IL1RAPL1: variants seen among roughly 807,000 people sequenced by gnomAD.
IL1RAPL1 encodes interleukin 1 receptor accessory protein like 1, also known as interleukin-1 receptor accessory protein-like 1.
IL1RAPL1 carries 3 observed loss-of-function variants against 48.4 expected under a neutral mutation model. That is an observed-to-expected ratio of 0.06 (90% CI 0.03 to 0.16). IL1RAPL1 has a LOEUF of 0.16. IL1RAPL1 is among the 10% of genes least tolerant of loss of function. IL1RAPL1 has a pLI of 1.00. For synonymous variants in IL1RAPL1, 185 were observed against 187.7 expected, an observed-to-expected ratio of 0.99 and a Z score of 0.12; for missense variants, 349 against 530.6, an observed-to-expected ratio of 0.66 and a Z score of 3.36.
At chrX:29,713,706 T>C (rs1244020552) in intron 6 of IL1RAPL1, among the ~76,000 whole-genome samples, 1 of 111,373 alleles carries the variant, frequency 9.0e-6, no homozygotes, top group Non-Finnish European at 1.9e-5. Context: ...TACATATGAT[T>C]TGTTTAGATA....
chrX:29,382,440 A>T (rs1933723954), intron 3 of IL1RAPL1, among the ~76,000 whole-genome samples: 1 of 111,809 alleles, frequency 8.9e-6, no homozygotes, highest in Non-Finnish European at 1.9e-5. Context: ...TTGACAGCTG[A>T]CTGTTGCAAA....
chrX:29,036,379 G>A (rs951043669), intron 2 of IL1RAPL1, among the ~76,000 whole-genome samples: 1 of 112,491 alleles, frequency 8.9e-6, no homozygotes, highest in Non-Finnish European at 1.9e-5. Context: ...AGAATCTGCA[G>A]CCAATAAGAA....
chrX:29,396,037 C>T (rs960627432), intron 3 of IL1RAPL1, among the ~76,000 whole-genome samples: 1 of 112,417 alleles, frequency 8.9e-6, no homozygotes, highest in African/African-American at 3.2e-5. Flanking sequence ...AAAACTTTTT[C>T]TCTGGCAAAT....
At chrX:29,446,943 A>T (rs1445546200) in intron 5 of IL1RAPL1, among the ~76,000 whole-genome samples, 1 of 111,673 alleles carries the variant, frequency 9.0e-6, no homozygotes. Flanking sequence ...GTATTACTGA[A>T]TTTTTAATTA....
intron 6 of IL1RAPL1, among the ~76,000 whole-genome samples, chrX:29,704,497 T>C (rs1253690590): frequency 9.1e-6 from 1 of 110,134 alleles, no homozygotes. Context: ...GACAAAACCC[T>C]GTCTTTACTA....
chrX:29,791,505 C>A (rs187107172), intron 6 of IL1RAPL1, among the ~76,000 whole-genome samples: 1 of 106,695 alleles, frequency 9.4e-6, no homozygotes, highest in East Asian at 2.9e-4. Context: ...CTCACTGCAA[C>A]CTCTAGCTCA....
intron 3 of IL1RAPL1, among the ~76,000 whole-genome samples, chrX:29,323,066 C>T (rs945218531): frequency 5.3e-5 from 6 of 112,274 alleles, no homozygotes; most frequent in Non-Finnish European, 1.1e-4. Context: ...CTTTTCCTGG[C>T]TTTCTCAGAG....
intron 6 of IL1RAPL1, among the ~76,000 whole-genome samples, chrX:29,803,258 CAT>C (rs1404463964): frequency 3.4e-5 from 1 of 29,832 alleles, no homozygotes; most frequent in Non-Finnish European, 6.3e-5. Flanking sequence ...CATATACACA[CAT>C]GTATATATGT....
chrX:29,268,829 A>G (rs936967639), intron 2 of IL1RAPL1, among the ~76,000 whole-genome samples: 2 of 112,155 alleles, frequency 1.8e-5, no homozygotes, highest in Non-Finnish European at 3.8e-5. Context: ...TGAATCAGTG[A>G]ACGAATCAAT....
chrX:29,359,060 T>G (rs1933343028), intron 3 of IL1RAPL1, among the ~76,000 whole-genome samples: 1 of 111,100 alleles, frequency 9.0e-6, no homozygotes, highest in South Asian at 3.8e-4. Flanking sequence ...ATCGAAGACC[T>G]TCAGTCTAAT....
chrX:29,841,040 A>G (rs1352607119), intron 6 of IL1RAPL1, among the ~76,000 whole-genome samples: 1 of 111,857 alleles, frequency 8.9e-6, no homozygotes, highest in Non-Finnish European at 1.9e-5. Context: ...CATAAACACC[A>G]CAAGGTGTCT....
At chrX:29,066,135 T>C (rs1256265755) in intron 2 of IL1RAPL1, among the ~76,000 whole-genome samples, 1 of 112,344 alleles carries the variant, frequency 8.9e-6, no homozygotes. Flanking sequence ...ACATTTTAGA[T>C]ACTTTATTAT....
chrX:28,845,663 A>G (rs957796223), intron 2 of IL1RAPL1, among the ~76,000 whole-genome samples: 1 of 111,350 alleles, frequency 9.0e-6, no homozygotes, highest in African/African-American at 3.3e-5. Context: ...TGAACAATAC[A>G]AGGTCAATCC....
chrX:28,956,899 T>C (rs1924627249), intron 2 of IL1RAPL1, among the ~76,000 whole-genome samples: 1 of 109,804 alleles, frequency 9.1e-6, no homozygotes, highest in Admixed American at 9.8e-5. Flanking sequence ...TCCTGGACTC[T>C]TTTTGGTTGG....
chrX:29,709,339 T>C (rs184078308), intron 6 of IL1RAPL1, among the ~76,000 whole-genome samples: 232 of 111,939 alleles, frequency 2.1e-3, no homozygotes, highest in African/African-American at 7.2e-3. Context: ...ATATACGGTG[T>C]TCAGTTTCAT....
chrX:29,055,955 A>G (rs184370811), intron 2 of IL1RAPL1, among the ~76,000 whole-genome samples: 2 of 112,106 alleles, frequency 1.8e-5, no homozygotes, highest in Admixed American at 1.9e-4. Flanking sequence ...TCACTTGAGT[A>G]ATTAATCGAG....
intron 2 of IL1RAPL1, among the ~76,000 whole-genome samples, chrX:29,169,392 T>C (rs750106955): frequency 9.0e-6 from 1 of 110,745 alleles, no homozygotes; most frequent in South Asian, 3.8e-4. Flanking sequence ...AAACAAAAAG[T>C]GTCATCTATT....
chrX:29,945,680 T>C (rs902493525), intron 9 of IL1RAPL1, among the ~76,000 whole-genome samples: 1 of 111,807 alleles, frequency 8.9e-6, no homozygotes, highest in African/African-American at 3.2e-5. Flanking sequence ...TTCCAAGATA[T>C]ACAGCCATTT....
At chrX:28,864,191 C>A (rs1922022130) in intron 2 of IL1RAPL1, among the ~76,000 whole-genome samples, 1 of 111,951 alleles carries the variant, frequency 8.9e-6, no homozygotes, top group Non-Finnish European at 1.9e-5. Context: ...CCTAGAAAAG[C>A]AGTGATTTAG....
Sources: gnomAD v4.1 joint callset for allele counts (sites outside exome capture counted in the v4.1 genomes callset) on GRCh38, gnomAD v4.1.1 for gene constraint, MANE v1.5 for transcripts, NCBI Gene and HGNC (gene_info 2026-07-23, HGNC 2026-07-21) for gene names.